The following SMARCA4 variants were observed in gnomAD, a reference collection of about 807,000 sequenced individuals.
SMARCA4 encodes the protein SWI/SNF-related matrix-associated actin-dependent regulator of chromatin subfamily A member 4.
SMARCA4 carries 31 observed loss-of-function variants against 193.9 expected under a neutral mutation model. That is an observed-to-expected ratio of 0.16 (90% CI 0.12 to 0.22). The LOEUF is 0.22. Among genes scored for constraint, SMARCA4 ranks in the 10% least tolerant of loss-of-function variants. The probability of loss-of-function intolerance (pLI) is 1.00; values close to 1 mark genes in which losing one functional copy is unlikely to be tolerated. For missense variants in SMARCA4, 1,148 were observed against 2,296.0 expected (o/e 0.50, Z 10.22); for synonymous variants, 942 against 933.1 (o/e 1.01, Z -0.17).
chr19:11,012,540 G>T (rs2146268612), intron 15 of SMARCA4: 1 of 279,104 alleles, frequency 3.6e-6, no homozygotes, highest in Non-Finnish European at 7.1e-6. Flanking sequence ...ATCTTGAAAT[G>T]ATGTTCAGGC....
intron 15 of SMARCA4, 56 bp downstream of exon 15, chr19:11,010,587 C>T (rs2146242354): frequency 1.3e-6 from 2 of 1,573,826 alleles, no homozygotes; most frequent in Non-Finnish European, 1.7e-6. Context: ...GCAGGTGTTC[C>T]CAGGTGGTGC....
intron 16 of SMARCA4, chr19:11,015,909 G>A (rs1294118862): frequency 6.6e-6 from 1 of 152,178 alleles, no homozygotes; most frequent in Non-Finnish European, 1.5e-5. Context: ...CACTCAGGAG[G>A]CTGAGACAGG....
intron 13 of SMARCA4, among the ~76,000 whole-genome samples, chr19:11,007,354 T>C (rs931743018): frequency 1.4e-5 from 2 of 144,774 alleles, no homozygotes; most frequent in African/African-American, 5.2e-5. Flanking sequence ...CGCTTGAACC[T>C]GGGAGCTGGA....
chr19:11,022,191 G>A (rs531989674), intron 19 of SMARCA4, among the ~76,000 whole-genome samples: 12 of 152,338 alleles, frequency 7.9e-5, no homozygotes, highest in South Asian at 4.1e-4. Flanking sequence ...CGGAATGCTC[G>A]GGGCGTCTCT....
At chr19:10,972,208 C>G (rs2084732570) in intron 1 of SMARCA4, among the ~76,000 whole-genome samples, 1 of 152,146 alleles carries the variant, frequency 6.6e-6, no homozygotes, top group Non-Finnish European at 1.5e-5. Flanking sequence ...ATCCACTCGT[C>G]TTGGCCTCCC....
In SMARCA4 at chr19:11,059,809, CGAG is replaced by C. The variant is rs1176307604; in HGVS notation, c.4693_4695del (p.Glu1565del). The C allele has an allele frequency of 6.2e-7, 1 of 1,611,198 alleles. No homozygotes were observed. The highest frequency in any genetic ancestry group is 8.5e-7 in the Non-Finnish European group (1 of 1,178,708). On this transcript the variant is annotated inframe_deletion, in exon 33 of 35. Coordinates refer to ENST00000344626, the MANE Select transcript of SMARCA4 (RefSeq NM_003072.5). Reference sequence around the variant, plus strand: ...TCTTCACCAGCGTGCGGCAGAAAATCGAGAAGGAGGATGACAGTGAAGGCGAGG... The same window carrying C: ...TCTTCACCAGCGTGCGGCAGAAAATCAAGGAGGATGACAGTGAAGGCGAGG...
chr19:11,041,181 A>G lies in SMARCA4; in HGVS notation c.4171-126A>G, dbSNP rs2075585804. On this transcript the variant is annotated intron_variant, in intron 29 of 34. Transcript: ENST00000344626. The surrounding 1 kb of genome is among the most constrained non-coding windows in gnomAD (Gnocchi z 5.6). ...TGTGTGTTATGCCCCGAGCCAGTCA[A>G]GCTGAAGGGAGAGCGGGTGCGGGGG... 1 of 1,010,212 alleles carries G rather than the reference A, an allele frequency of 9.9e-7. No homozygotes were observed. Among genetic ancestry groups the G allele is most frequent in the African/African-American group, 1.6e-5 (1 of 62,426 alleles). The allele number at this position is 1,010,212 out of a possible 1,614,324, so 62.6% of individuals were successfully genotyped here.
Position 11,019,738 on chromosome 19 carries a change from C to T in SMARCA4, c.2616+37C>T, listed in dbSNP as rs1032352641. 8.3e-6 allele frequency: 12 copies of T among 1,437,212 alleles called. No individual in the cohort carries two copies. The highest frequency in any genetic ancestry group is 5.6e-5 in the African/African-American group (4 of 71,604). 89.0% of individuals were successfully genotyped at this position (1,437,212 alleles called of 1,614,324 possible). A position where few individuals can be genotyped will look rare whatever the true frequency, so the allele number is the denominator to read the frequency against. ...CTGTGGGAAATGCCAGGCCATGGGC[C>T]GAGTGCTCACACGTGGGTCACGCTG... On this transcript the variant is annotated intron_variant, in intron 18 of 34. Coordinates refer to ENST00000344626, the MANE Select transcript of SMARCA4 (RefSeq NM_003072.5). The surrounding 1 kb of genome is among the most constrained non-coding windows in gnomAD (Gnocchi z 6.1).
chr19:11,006,844 G>A (rs1344256309), intron 13 of SMARCA4, among the ~76,000 whole-genome samples: 1 of 152,082 alleles, frequency 6.6e-6, no homozygotes, highest in Non-Finnish European at 1.5e-5. Context: ...CCAGCACTTT[G>A]GGAGGCTGAG....
intron 29 of SMARCA4, among the ~76,000 whole-genome samples, chr19:11,037,198 A>G (rs1390005442): frequency 6.6e-6 from 1 of 152,210 alleles, no homozygotes; most frequent in East Asian, 1.9e-4. Flanking sequence ...TGCCGGAACA[A>G]TGTTAGTTCT....
At chr19:11,025,637 G>GT in intron 22 of SMARCA4, 129 bp downstream of exon 22, 1 of 737,776 alleles carries the variant, frequency 1.4e-6, no homozygotes, top group South Asian at 1.4e-5. Flanking sequence ...CTGTACATCT[G>GT]TCTCTCATTT....
rs542413501 is a variant in SMARCA4, at chr19:11,034,449, G to A, written c.3951+249G>A. On this transcript the variant is annotated intron_variant, in intron 28 of 34. Coordinates refer to ENST00000344626, the MANE Select transcript of SMARCA4 (RefSeq NM_003072.5). The surrounding 1 kb of genome is among the most constrained non-coding windows in gnomAD (Gnocchi z 7.0). ...ACCCGAGACCTGCCCCACCAGCTCT[G>A]TTTTCTAACGGGCTCTCCAGGGCTT... is the stretch of plus-strand genomic sequence containing the variant. Among the ~76,000 whole-genome samples the A allele has an allele frequency of 1.3e-5, 2 of 152,192 alleles. No individual in the cohort carries two copies. Among genetic ancestry groups the A allele is most frequent in the African/African-American group, 4.8e-5 (2 of 41,454 alleles).
At position 11,039,537 on chromosome 19, in the gene SMARCA4, G is replaced by C. The variant is rs772645133; in HGVS notation, c.4171-1770G>C. 1 of 1,599,692 alleles carries C rather than the reference G, an allele frequency of 6.3e-7. No homozygotes were observed. Among genetic ancestry groups the C allele is most frequent in the Non-Finnish European group, 8.5e-7 (1 of 1,173,920 alleles). On this transcript the variant is annotated intron_variant, in intron 29 of 34. Transcript: ENST00000344626. ...CAATTCCAGCGTGGCCTTCAGTTCT[G>C]CACACGTGCGTCAAAGGTGGGGAGA... is the stretch of plus-strand genomic sequence containing the variant.
At chr19:10,976,497 T>C (rs1254378650) in intron 1 of SMARCA4, among the ~76,000 whole-genome samples, 3 of 152,182 alleles carry the variant, frequency 2.0e-5, no homozygotes, top group Admixed American at 6.5e-5. Context: ...GGCTCATGCC[T>C]GTAGTCCTAG....
chr19:11,011,555 T>G (rs1481880142), intron 15 of SMARCA4, among the ~76,000 whole-genome samples: 3 of 152,162 alleles, frequency 2.0e-5, no homozygotes, highest in Non-Finnish European at 4.4e-5. Flanking sequence ...TCTTAAACCT[T>G]TTGTGCTAGT....
chr19:11,055,768 C>T (rs1415213321), intron 30 of SMARCA4, among the ~76,000 whole-genome samples: 1 of 151,576 alleles, frequency 6.6e-6, no homozygotes, highest in Non-Finnish European at 1.5e-5. Context: ...TTTTTTCCCC[C>T]AGTCAAATAG....
At chr19:11,003,462 T>C in intron 13 of SMARCA4, 65 bp downstream of exon 13, 1 of 1,425,384 alleles carries the variant, frequency 7.0e-7, no homozygotes, top group Non-Finnish European at 9.9e-7. Flanking sequence ...CCACCCTGTG[T>C]GTTGTGACCG....
chr19:10,989,231 C>G (rs1568429933), intron 6 of SMARCA4, 86 bp from the exon 7 acceptor site: 1 of 1,547,942 alleles, frequency 6.5e-7, no homozygotes, highest in Non-Finnish European at 8.9e-7. Flanking sequence ...CTGCCTCTCT[C>G]GAGGGATGGG....
At chr19:10,968,363 A>G (rs749561821) in intron 1 of SMARCA4, among the ~76,000 whole-genome samples, 54 of 152,104 alleles carry the variant, frequency 3.6e-4, no homozygotes, top group Admixed American at 1.9e-3. Context: ...CTAAAGGGGC[A>G]TAGCTTCATT....
Sources: gnomAD v4.1 joint callset for allele counts (sites outside exome capture counted in the v4.1 genomes callset) on GRCh38, gnomAD v4.1.1 for gene constraint, Gnocchi (gnomAD v3.1) non-coding constraint, MANE v1.5 for transcripts, NCBI Gene and HGNC (gene_info 2026-07-23, HGNC 2026-07-21) for gene names.